The following UGT2B4 variants were observed in gnomAD, a reference collection of about 807,000 sequenced individuals.
The protein encoded by UGT2B4 is UDP-glucuronosyltransferase 2B4.
A neutral mutation model predicts 49.8 loss-of-function variants in UGT2B4; 49 were observed. That is an observed-to-expected ratio of 0.98 (90% CI 0.78 to 1.25). The LOEUF is 1.25. UGT2B4 is among the 50% of genes most tolerant of loss of function. The probability of loss-of-function intolerance (pLI) is 0.00; values close to 1 mark genes in which losing one functional copy is unlikely to be tolerated. For synonymous variants in UGT2B4, 246 were observed against 217.7 expected, an observed-to-expected ratio of 1.13 and a Z score of -1.14; for missense variants, 729 against 627.7, an observed-to-expected ratio of 1.16 and a Z score of -1.73.
At chr4:69,501,195 G>A (rs1728310310) in intron 1 of UGT2B4, among the ~76,000 whole-genome samples, 1 of 149,372 alleles carries the variant, frequency 6.7e-6, no homozygotes, top group African/African-American at 2.5e-5. Context: ...TACTGTTTGA[G>A]CAACTTAGCT....
At chr4:69,515,326 A>T (rs918296797) in intron 1 of UGT2B4, among the ~76,000 whole-genome samples, 3 of 152,218 alleles carry the variant, frequency 2.0e-5, no homozygotes, top group African/African-American at 7.2e-5. Context: ...CTTAGACTAC[A>T]GCACACACAA....
chr4:69,522,371 A>G (rs1209572472), intron 1 of UGT2B4, among the ~76,000 whole-genome samples: 1 of 152,208 alleles, frequency 6.6e-6, no homozygotes, highest in African/African-American at 2.4e-5. Flanking sequence ...AAAAATCTAC[A>G]GGTAAACTTC....
chr4:69,523,072 C>T (rs773071835), intron 1 of UGT2B4, among the ~76,000 whole-genome samples: 1 of 152,180 alleles, frequency 6.6e-6, no homozygotes, highest in Non-Finnish European at 1.5e-5. Context: ...ATTTTCACCA[C>T]ACCTGCAGTT....
In UGT2B4 at chr4:69,480,409, A is replaced by C. The variant is rs1966151; in HGVS notation, c.*225T>G. On this transcript the variant is annotated 3_prime_UTR_variant, in exon 6 of 6. Transcript: ENST00000305107. ...GCTCAATACATTTCAATATAACCTC[A>C]TATGGCTTTATATCATTTTTGTTTT... is the stretch of plus-strand genomic sequence containing the variant. The C allele has an allele frequency of 6.9e-5, 37 of 539,192 alleles. No homozygotes were observed. Among genetic ancestry groups the C allele is most frequent in the Non-Finnish European group, 8.8e-5 (28 of 319,654 alleles). The allele number at this position is 539,192 out of a possible 1,614,324, so 33.4% of individuals were successfully genotyped here.
chr4:69,498,180 G>T (rs576543600), upstream of UGT2B4, among the ~76,000 whole-genome samples: 4 of 152,286 alleles, frequency 2.6e-5, no homozygotes, highest in South Asian at 8.3e-4. Context: ...AAAACAAATT[G>T]TGTGACTCAC....
chr4:69,488,068 A>T (rs937735328), intron 3 of UGT2B4, among the ~76,000 whole-genome samples: 1 of 152,202 alleles, frequency 6.6e-6, no homozygotes, highest in Non-Finnish European at 1.5e-5. Flanking sequence ...CAAAGGTAGC[A>T]TGTATAACTT....
chr4:69,521,996 G>A (rs1287208993), intron 1 of UGT2B4, among the ~76,000 whole-genome samples: 3 of 152,066 alleles, frequency 2.0e-5, no homozygotes, highest in Non-Finnish European at 2.9e-5. Context: ...ATGATTTAAC[G>A]GGCATATATA....
chr4:69,495,421 A>G lies in UGT2B4; in HGVS notation c.441T>C (p.Val147=). 1 of 1,613,990 alleles carries G rather than the reference A, an allele frequency of 6.2e-7. No homozygotes were observed. Among genetic ancestry groups the G allele is most frequent in the South Asian group, 1.1e-5 (1 of 91,076 alleles). The change falls in exon 1 of 6, where the codon GTT becomes GTC. Residue 147 remains valine, a synonymous_variant. Transcript: ENST00000305107. ...AGGGGAAAACAGCATCTGCAAGAAC[A>G]ACATCAAATCTTGACTCCTGTAGTT... ...MKKLQESRFD[V]VLADAVFPFG... is the part of the protein sequence containing the mutation.
At chr4:69,516,381 G>A (rs899656134) in intron 1 of UGT2B4, among the ~76,000 whole-genome samples, 22 of 152,144 alleles carry the variant, frequency 1.4e-4, no homozygotes, top group Admixed American at 1.3e-3. Flanking sequence ...TGGTATTTCT[G>A]GTTCCAGGTC....
intron 5 of UGT2B4, 112 bp downstream of exon 5, chr4:69,485,096 C>G: frequency 7.6e-7 from 1 of 1,313,928 alleles, no homozygotes; most frequent in Admixed American, 2.4e-5. Flanking sequence ...TTGTTTAAAT[C>G]ACTTAAATTC....
chr4:69,514,666 T>G (rs1042141764), intron 1 of UGT2B4, among the ~76,000 whole-genome samples: 19 of 152,212 alleles, frequency 1.2e-4, no homozygotes, highest in African/African-American at 4.6e-4. Context: ...ATTTTTAATA[T>G]GAATAAGTGT....
chr4:69,519,757 ATG>A (rs1728805477), intron 1 of UGT2B4, among the ~76,000 whole-genome samples: 3 of 152,228 alleles, frequency 2.0e-5, no homozygotes, highest in Admixed American at 1.3e-4. Flanking sequence ...CTTCACAGGT[ATG>A]GAACAAAGGA....
In UGT2B4 at chr4:69,480,739, A is replaced by C. The variant is rs527905109; in HGVS notation, c.1482T>G (p.Thr494=). The change falls in exon 6 of 6, where the codon ACT becomes ACG. Residue 494 remains threonine, a synonymous_variant. Transcript: ENST00000305107. ...TTGCCACACAGGCCAGCAGGAACCC[A>C]GTCACATCCAAAGAGTGGTACTGGA... The part of the protein sequence containing the change: ...TWFQYHSLDV[T]GFLLACVATV... 2 of 1,614,034 alleles carry C rather than the reference A, an allele frequency of 1.2e-6. No individual in the cohort carries two copies. Among genetic ancestry groups the C allele is most frequent in the African/African-American group, 1.3e-5 (1 of 75,046 alleles).
At chr4:69,500,668 A>AGAAAGAAAGAAAGAAAGAAG (rs1383264448), upstream of UGT2B4, among the ~76,000 whole-genome samples, 40 of 110,276 alleles carry the variant, frequency 3.6e-4, no homozygotes, top group African/African-American at 1.1e-3. Context: ...AAAGAAAGAA[A>AGAAAGAAAGAAAGAAAGAAG]GGAAGGAAAG....
chr4:69,497,220 T>C (rs1442329011), upstream of UGT2B4, among the ~76,000 whole-genome samples: 5 of 152,214 alleles, frequency 3.3e-5, no homozygotes, highest in African/African-American at 4.8e-5. Flanking sequence ...TGATGCCAGC[T>C]GCTCTCAAGG....
intron 1 of UGT2B4, among the ~76,000 whole-genome samples, chr4:69,514,510 G>A (rs189993215): frequency 6.6e-6 from 1 of 152,260 alleles, no homozygotes; most frequent in East Asian, 1.9e-4. Context: ...TATAGGAGTG[G>A]GGAGAGAGGG....
Position 69,486,678 on chromosome 4 carries a change from C to T in UGT2B4, c.1021G>A (p.Gly341Arg). ...AGTCCTAAAGTATCTGGTTTATTCC[C>T]ATCAAATCTCCACAGAACCTGTTAC... ...IPQKVLWRFD[G>R]NKPDTLGLNT... The change falls in exon 4 of 6, where the codon GGG becomes AGG. Residue 341 changes from glycine to arginine, a missense_variant. Transcript: ENST00000305107. 2 of 1,607,472 alleles carry T rather than the reference C, an allele frequency of 1.2e-6. No individual in the cohort carries two copies. The highest frequency in any genetic ancestry group is 1.7e-6 in the Non-Finnish European group (2 of 1,177,770).
intron 1 of UGT2B4, among the ~76,000 whole-genome samples, chr4:69,505,521 C>T (rs1343281142): frequency 6.6e-6 from 1 of 152,078 alleles, no homozygotes; most frequent in Non-Finnish European, 1.5e-5. Flanking sequence ...ATCTAATTAT[C>T]CTAAATATAA....
intron 1 of UGT2B4, among the ~76,000 whole-genome samples, chr4:69,507,035 TA>T (rs1728490747): frequency 6.6e-6 from 1 of 152,200 alleles, no homozygotes; most frequent in South Asian, 2.1e-4. Context: ...TCATTTATGT[TA>T]AAAACTCTTT....
Sources: allele counts gnomAD v4.1 joint callset (sites outside exome capture counted in the v4.1 genomes callset), GRCh38; gene constraint gnomAD v4.1.1; transcripts MANE v1.5; gene names NCBI Gene and HGNC (gene_info 2026-07-23, HGNC 2026-07-21).